The following PLXNA2 variants were observed in gnomAD, a reference collection of about 807,000 sequenced individuals.
PLXNA2 encodes plexin A2, also known as plexin-A2.
Under a neutral mutation model 193.5 loss-of-function variants are expected in PLXNA2, and 91 were observed. The observed-to-expected ratio is 0.47, with a 90% CI of 0.40 to 0.56. The LOEUF (loss-of-function observed/expected upper bound fraction) is 0.56. Among genes scored for constraint, PLXNA2 ranks in the 20% least tolerant of loss-of-function variants. PLXNA2 has a pLI of 0.00. For missense variants in PLXNA2, 1,995 were observed against 2,503.2 expected, an observed-to-expected ratio of 0.80 and a Z score of 4.33; for synonymous variants, 997 against 1,027.3, an observed-to-expected ratio of 0.97 and a Z score of 0.56.
chr1:208,092,409 T>C (rs967815862), intron 9 of PLXNA2, among the ~76,000 whole-genome samples: 3 of 152,220 alleles, frequency 2.0e-5, no homozygotes, highest in Admixed American at 2.0e-4. Flanking sequence ...TCTATTGAAC[T>C]AGACTATGTC....
intron 3 of PLXNA2, among the ~76,000 whole-genome samples, chr1:208,185,852 A>C (rs1191902378): frequency 6.6e-6 from 1 of 152,136 alleles, no homozygotes; most frequent in Non-Finnish European, 1.5e-5. Context: ...CAGGTGTGGC[A>C]AGGAAGAGGT....
At chr1:208,200,348 A>G (rs1670503631) in intron 3 of PLXNA2, among the ~76,000 whole-genome samples, 1 of 152,166 alleles carries the variant, frequency 6.6e-6, no homozygotes, top group Non-Finnish European at 1.5e-5. Context: ...GGCACATGCT[A>G]GCAAGAAGGA....
At chr1:208,076,811 G>A (rs1031524888) in intron 12 of PLXNA2, among the ~76,000 whole-genome samples, 3 of 152,148 alleles carry the variant, frequency 2.0e-5, no homozygotes, top group Non-Finnish European at 4.4e-5. Context: ...ATATTAATAA[G>A]GCACGTTTAT....
intron 11 of PLXNA2, among the ~76,000 whole-genome samples, chr1:208,081,830 G>A (rs1666352634): frequency 6.6e-6 from 1 of 152,058 alleles, no homozygotes; most frequent in Admixed American, 6.5e-5. Context: ...ACTGAGGGTC[G>A]GGCCTAACTG....
At chr1:208,053,994 G>A (rs1665346267) in intron 14 of PLXNA2, among the ~76,000 whole-genome samples, 1 of 152,172 alleles carries the variant, frequency 6.6e-6, no homozygotes, top group African/African-American at 2.4e-5. Flanking sequence ...AATATCCTTG[G>A]CAGAAAACAA....
intron 3 of PLXNA2, among the ~76,000 whole-genome samples, chr1:208,193,441 GATA>G (rs1026636354): frequency 9.2e-5 from 14 of 152,338 alleles, no homozygotes; most frequent in African/African-American, 3.4e-4. Context: ...ATTACTGAGT[GATA>G]ATGACAAATC....
At chr1:208,155,735 CAGCTCTGGCTCATGGGATGCTG>C (rs998225989) in intron 3 of PLXNA2, among the ~76,000 whole-genome samples, 26 of 152,234 alleles carry the variant, frequency 1.7e-4, no homozygotes, top group Admixed American at 9.8e-4. Flanking sequence ...CCTCCCTGCC[CAGCTCTGGCTCATGGGATGCTG>C]AGCTCTGGCT....
chr1:208,076,407 C>CT (rs1027081114), intron 12 of PLXNA2, among the ~76,000 whole-genome samples: 1 of 151,994 alleles, frequency 6.6e-6, no homozygotes, highest in African/African-American at 2.4e-5. Flanking sequence ...TTGTTTGTTT[C>CT]TTTTTTTCAG....
chr1:208,174,656 G>T (rs1669605127), intron 3 of PLXNA2, among the ~76,000 whole-genome samples: 1 of 152,128 alleles, frequency 6.6e-6, no homozygotes, highest in African/African-American at 2.4e-5. Flanking sequence ...GCTGGTCCAT[G>T]CACCAGGGCC....
chr1:208,064,242 C>A (rs1471453461), intron 12 of PLXNA2, among the ~76,000 whole-genome samples: 1 of 152,188 alleles, frequency 6.6e-6, no homozygotes, highest in South Asian at 2.1e-4. Context: ...CACACTAACC[C>A]CAAGGGTTTG....
At chr1:208,171,858 G>T (rs1669504358) in intron 3 of PLXNA2, among the ~76,000 whole-genome samples, 1 of 151,760 alleles carries the variant, frequency 6.6e-6, no homozygotes, top group Admixed American at 6.6e-5. Flanking sequence ...TGTATAAAAA[G>T]GAAGTTTTTT....
intron 13 of PLXNA2, among the ~76,000 whole-genome samples, chr1:208,056,973 C>A (rs7549227): frequency 0.53 from 80,068 of 151,992 alleles, 21,655 homozygotes; most frequent in Non-Finnish European, 0.59. Flanking sequence ...GCCTGCAGGC[C>A]AGGGTGGAAA....
At chr1:208,221,760 C>A (rs1415395621) in intron 1 of PLXNA2, among the ~76,000 whole-genome samples, 1 of 152,174 alleles carries the variant, frequency 6.6e-6, no homozygotes, top group Non-Finnish European at 1.5e-5. Flanking sequence ...TATCCACATT[C>A]TGAGTAAGGG....
At chr1:208,124,877 T>C (rs1667924599) in intron 4 of PLXNA2, among the ~76,000 whole-genome samples, 1 of 150,666 alleles carries the variant, frequency 6.6e-6, no homozygotes, top group Admixed American at 6.6e-5. Context: ...ACAGCGTCCT[T>C]AGTGGCCAGG....
intron 3 of PLXNA2, among the ~76,000 whole-genome samples, chr1:208,180,333 G>C (rs1669801103): frequency 6.6e-6 from 1 of 152,042 alleles, no homozygotes; most frequent in African/African-American, 2.4e-5. Flanking sequence ...GTGGGAGAGG[G>C]GCTCCGGTAG....
At chr1:208,033,036 T>C (rs1005020699) in intron 28 of PLXNA2, among the ~76,000 whole-genome samples, 5 of 150,588 alleles carry the variant, frequency 3.3e-5, no homozygotes, top group Non-Finnish European at 5.9e-5. Context: ...CTCTCTCTCT[T>C]TTTTTTTTTC....
rs532144023 is a variant in PLXNA2, at chr1:208,105,067, G to A, written c.1507-1820C>T. Among the ~76,000 whole-genome samples the A allele has an allele frequency of 4.6e-5, 7 of 152,274 alleles. No homozygotes were observed. The South Asian group carries it at 1.5e-3, about 32-fold the overall frequency. On this transcript the variant is annotated intron_variant, in intron 4 of 31. Coordinates refer to ENST00000367033, the MANE Select transcript of PLXNA2 (RefSeq NM_025179.4). ...TAAATAGACACACAGCATCAGGGTCGAGAGAAGCCACCCCCCACTGTGGAG... is the reference window on the plus strand; with the variant it reads ...TAAATAGACACACAGCATCAGGGTCAAGAGAAGCCACCCCCCACTGTGGAG...
chr1:208,209,854 A>G (rs1484952718), intron 3 of PLXNA2: 6 of 216,590 alleles, frequency 2.8e-5, no homozygotes, highest in Admixed American at 5.5e-5. Context: ...TGCTTCAACC[A>G]ACTTCTCTGA....
chr1:208,071,500 T>C (rs1247562503), intron 12 of PLXNA2, among the ~76,000 whole-genome samples: 2 of 152,222 alleles, frequency 1.3e-5, no homozygotes, highest in Non-Finnish European at 1.5e-5. Context: ...GGCATTCTTT[T>C]CCACTTGAAG....
Sources: allele counts gnomAD v4.1 joint callset (sites outside exome capture counted in the v4.1 genomes callset), GRCh38; gene constraint gnomAD v4.1.1; transcripts MANE v1.5; gene names NCBI Gene and HGNC (gene_info 2026-07-23, HGNC 2026-07-21).